PCDHGA1: variants seen among roughly 807,000 people sequenced by gnomAD.
The protein encoded by PCDHGA1 is protocadherin gamma subfamily A, 1, also known as protocadherin gamma-A1.
A neutral mutation model predicts 58.0 loss-of-function variants in PCDHGA1; 32 were observed. The ratio of observed to expected loss-of-function variants is 0.55; its 90% CI spans 0.42 to 0.74. The LOEUF (loss-of-function observed/expected upper bound fraction) is 0.74. Among genes scored for constraint, PCDHGA1 ranks in the 30% least tolerant of loss-of-function variants. The pLI, the probability that PCDHGA1 is intolerant of heterozygous loss-of-function variation, is 0.00. For synonymous variants in PCDHGA1, 498 were observed against 501.1 expected, an observed-to-expected ratio of 0.99 and a Z score of 0.08; for missense variants, 1,205 against 1,182.3, an observed-to-expected ratio of 1.02 and a Z score of -0.28.
intron 1 of PCDHGA1, chr5:141,478,491 G>A: frequency 6.2e-7 from 1 of 1,613,152 alleles, no homozygotes; most frequent in Non-Finnish European, 8.5e-7. Flanking sequence ...CTGCGGAGCT[G>A]TGATCCGGTG....
chr5:141,365,285 G>T (rs1215849562), intron 1 of PCDHGA1: 2 of 1,613,898 alleles, frequency 1.2e-6, no homozygotes, highest in South Asian at 1.1e-5. Flanking sequence ...CCTCATGGAA[G>T]TGGTAGCTCA....
chr5:141,371,120 T>C, intron 1 of PCDHGA1: 1 of 1,613,974 alleles, frequency 6.2e-7, no homozygotes, highest in Non-Finnish European at 8.5e-7. Flanking sequence ...CCCCAGTATT[T>C]ACTCAGGACA....
At chr5:141,361,098 A>G (rs1345076438) in intron 1 of PCDHGA1, 1 of 1,614,016 alleles carries the variant, frequency 6.2e-7, no homozygotes, top group East Asian at 2.2e-5. Context: ...GTATCGAAGC[A>G]AAAGATCCTG....
chr5:141,339,923 G>A, intron 1 of PCDHGA1: 1 of 1,614,134 alleles, frequency 6.2e-7, no homozygotes, highest in South Asian at 1.1e-5. Flanking sequence ...CCATGAAATT[G>A]ATATTGAAGC....
chr5:141,490,331 C>G lies in PCDHGA1; in HGVS notation c.2422-4476C>G. 6.2e-7 allele frequency: 1 copy of G among 1,614,214 alleles called. No individual in the cohort carries two copies. The highest frequency in any genetic ancestry group is 1.1e-5 in the South Asian group (1 of 91,086). The stretch of plus-strand genomic sequence containing the variant: ...GCCAACCCTGTCCTAGAGAGCACAC[C>G]AGTGGGCACAGTAGTGGGGTTGTTT... On this transcript the variant is annotated intron_variant, in intron 1 of 3. Transcript: ENST00000517417. This position sits in a 1 kb window ranked among gnomAD's most constrained non-coding sequence, Gnocchi z 5.4.
In PCDHGA1 at chr5:141,360,561, T is replaced by C. The variant is rs1479698668; in HGVS notation, c.2421+27456T>C. 4 of 1,613,992 alleles carry C rather than the reference T, an allele frequency of 2.5e-6. No homozygotes were observed. The African/African-American group carries it at 5.3e-5, about 21-fold the overall frequency. ...AACAGACTAAGATTAATTTAAAAAT[T>C]GGCGAATCCACTAAGCCAGGTACAA... On this transcript the variant is annotated intron_variant, in intron 1 of 3. Transcript: ENST00000517417.
intron 1 of PCDHGA1, chr5:141,478,106 G>T: frequency 6.2e-7 from 1 of 1,614,046 alleles, no homozygotes; most frequent in Non-Finnish European, 8.5e-7. Flanking sequence ...TACCCTCACT[G>T]TGTCAGTAAC....
Position 141,332,578 on chromosome 5 carries a change from CT to C in PCDHGA1, c.1895del (p.Leu632ArgfsTer101), listed in dbSNP as rs755037462. ...HTGEVRTARA[L>X]LDRDALKQSL... ...GGGCGAGGTGCGCACGGCGCGAGCC[CT>C]GCTGGACAGAGACGCGCTCAAGCAG... On this transcript the variant is annotated frameshift_variant, in exon 1 of 4. Transcript: ENST00000517417. LOFTEE classifies it high-confidence loss of function. This position sits in a 1 kb window ranked among gnomAD's most constrained non-coding sequence, Gnocchi z 4.6. 6 of 1,612,632 alleles carry C rather than the reference CT, an allele frequency of 3.7e-6. No homozygotes were observed. In the African/African-American group the frequency reaches 8.0e-5, roughly 22 times the overall value.
intron 1 of PCDHGA1, chr5:141,366,985 G>A (rs1378912863): frequency 2.0e-6 from 1 of 493,266 alleles, no homozygotes; most frequent in East Asian, 3.7e-5. Flanking sequence ...AAAGGAAAGT[G>A]GTTAAATATA....
intron 1 of PCDHGA1, chr5:141,404,548 G>C (rs761765539): frequency 1.2e-5 from 20 of 1,613,740 alleles, no homozygotes. Context: ...AAATGCAGGT[G>C]ACGGCAAGTG....
intron 1 of PCDHGA1, chr5:141,398,054 A>C: frequency 1.3e-6 from 2 of 1,519,030 alleles, no homozygotes; most frequent in Non-Finnish European, 1.8e-6. Context: ...CGGAGATCCA[A>C]AAATCTACAA....
chr5:141,483,779 A>G (rs1259583177), intron 1 of PCDHGA1, among the ~76,000 whole-genome samples: 2 of 152,146 alleles, frequency 1.3e-5, no homozygotes, highest in Non-Finnish European at 2.9e-5. Context: ...TTGGGGAAGG[A>G]TAAGAACTCC....
chr5:141,372,143 G>T, intron 1 of PCDHGA1: 2 of 1,613,784 alleles, frequency 1.2e-6, no homozygotes, highest in Admixed American at 1.7e-5. Context: ...GCTCTGCAGA[G>T]CCTGGCTACC....
chr5:141,504,645 T>C (rs1481469819), intron 2 of PCDHGA1, among the ~76,000 whole-genome samples: 2 of 112,538 alleles, frequency 1.8e-5, no homozygotes, highest in Non-Finnish European at 3.4e-5. Context: ...GGTTTGATGA[T>C]AGAGTGTTTG....
Position 141,415,384 on chromosome 5 carries a change from A to G in PCDHGA1, c.2422-79423A>G, listed in dbSNP as rs767664633. ...GCTGCAGGCTTCAGGAGGCGGCTTG[A>G]CAGGTGTGTCCGGCTCGCACTTTGT... On this transcript the variant is annotated intron_variant, in intron 1 of 3. Coordinates refer to ENST00000517417, the MANE Select transcript of PCDHGA1 (RefSeq NM_018912.3). 9.3e-6 allele frequency: 15 copies of G among 1,614,156 alleles called. No homozygotes were observed. The East Asian group carries it at 2.2e-4, about 24-fold the overall frequency.
chr5:141,491,034 T>A lies in PCDHGA1; in HGVS notation c.2422-3773T>A. On this transcript the variant is annotated intron_variant, in intron 1 of 3. Coordinates refer to ENST00000517417, the MANE Select transcript of PCDHGA1 (RefSeq NM_018912.3). This position sits in a 1 kb window ranked among gnomAD's most constrained non-coding sequence, Gnocchi z 6.9. ...CCAAGGTGACAGCCGTGGATGCTGA[T>A]GCAGGCCACAATGCGTGGCTCTCCT... 1 of 1,614,170 alleles carries A rather than the reference T, an allele frequency of 6.2e-7. No individual in the cohort carries two copies. Among genetic ancestry groups the A allele is most frequent in the African/African-American group, 1.3e-5 (1 of 75,074 alleles).
chr5:141,370,171 C>T (rs1008611247), intron 1 of PCDHGA1: 18 of 460,518 alleles, frequency 3.9e-5, no homozygotes, highest in Middle Eastern at 5.5e-4. Flanking sequence ...GCAGAGGCGC[C>T]GGGTGCCGCT....
Position 141,352,371 on chromosome 5 carries a change from T to A in PCDHGA1, c.2421+19266T>A, listed in dbSNP as rs756115221. On this transcript the variant is annotated intron_variant, in intron 1 of 3. Transcript: ENST00000517417. ...TCAGTGCTCTTTCTCCTCGCGGTGA[T>A]TCTAGCGATCGCCCTGCGCCTGCGA... 3 of 1,613,942 alleles carry A rather than the reference T, an allele frequency of 1.9e-6. No homozygotes were observed. The Admixed American group carries it at 5.0e-5, about 27-fold the overall frequency.
At chr5:141,384,407 C>G (rs1198473919) in intron 1 of PCDHGA1, 1 of 1,613,956 alleles carries the variant, frequency 6.2e-7, no homozygotes, top group South Asian at 1.1e-5. Context: ...CCAGTGTCCT[C>G]CTATGTCTCC....
Sources: gnomAD v4.1 joint callset for allele counts (sites outside exome capture counted in the v4.1 genomes callset) on GRCh38, gnomAD v4.1.1 for gene constraint, Gnocchi (gnomAD v3.1) non-coding constraint, MANE v1.5 for transcripts, NCBI Gene and HGNC (gene_info 2026-07-23, HGNC 2026-07-21) for gene names.